Variants in BCAR1 observed in about 807,000 individuals in gnomAD.
The protein encoded by BCAR1 is BCAR1 scaffold protein, Cas family member, also known as breast cancer anti-estrogen resistance protein 1.
BCAR1 carries 30 observed loss-of-function variants against 67.6 expected under a neutral mutation model. That is an observed-to-expected ratio of 0.44 (90% CI 0.33 to 0.60). The LOEUF is 0.60. Ranked by LOEUF, BCAR1 falls within the 20% of genes least tolerant of loss-of-function variation. The pLI is 0.02. For missense variants in BCAR1, 1,313 were observed against 1,222.3 expected (o/e 1.07, Z -1.11); for synonymous variants, 626 against 556.7 (o/e 1.12, Z -1.75).
chr16:75,239,188 A>G, intron 2 of BCAR1: 1 of 884,758 alleles, frequency 1.1e-6, no homozygotes, highest in South Asian at 5.2e-5. Flanking sequence ...TGCTAATCAC[A>G]GGCCACCCTG....
intron 1 of BCAR1, chr16:75,263,678 T>C (rs1245199014): frequency 2.0e-6 from 2 of 985,254 alleles, no homozygotes; most frequent in Non-Finnish European, 2.4e-6. Context: ...ATCTTATAAT[T>C]TCTGTGGGCC....
chr16:75,248,443 G>A lies in BCAR1; in HGVS notation c.12+3028C>T, dbSNP rs1203156447. The A allele has an allele frequency of 2.7e-5, 25 of 929,110 alleles. No individual in the cohort carries two copies. The Admixed American group carries it at 3.0e-4, about 11-fold the overall frequency. The allele number at this position is 929,110 out of a possible 1,614,324, so 57.6% of individuals were successfully genotyped here. On this transcript the variant is annotated intron_variant, in intron 1 of 6. Transcript: ENST00000162330. ...ACGGATGCAGGCCCAATAAGCATGC[G>A]CCCAACTGGCCATCCGCACCCGGGA...
intron 6 of BCAR1, 110 bp downstream of exon 6, chr16:75,233,736 G>T: frequency 8.6e-7 from 1 of 1,160,570 alleles, no homozygotes; most frequent in Non-Finnish European, 1.2e-6. Flanking sequence ...TCTGAGCACT[G>T]TCAGACAACA....
upstream of BCAR1, chr16:75,252,210 A>C: frequency 3.3e-6 from 5 of 1,536,524 alleles, no homozygotes; most frequent in Non-Finnish European, 4.4e-6. Context: ...CTCTCGACCC[A>C]GCGCTTTTCA....
At chr16:75,231,263 T>G (rs1175071467) in intron 6 of BCAR1, among the ~76,000 whole-genome samples, 1 of 152,122 alleles carries the variant, frequency 6.6e-6, no homozygotes, top group Non-Finnish European at 1.5e-5. Flanking sequence ...TTTTGTATTT[T>G]TGGTAAAGAT....
intron 1 of BCAR1, chr16:75,264,672 C>T: frequency 8.0e-7 from 1 of 1,249,038 alleles, no homozygotes; most frequent in Non-Finnish European, 1.0e-6. Flanking sequence ...CAATGCTTTG[C>T]ACTTGGCCAG....
At chr16:75,248,189 G>C (rs1440093074) in intron 1 of BCAR1, 2 of 1,569,530 alleles carry the variant, frequency 1.3e-6, no homozygotes, top group African/African-American at 2.7e-5. Flanking sequence ...TCTCCACCGA[G>C]GGGTGACGCC....
chr16:75,239,030 T>G, intron 2 of BCAR1: 1 of 985,408 alleles, frequency 1.0e-6, no homozygotes, highest in Non-Finnish European at 1.2e-6. Flanking sequence ...GACCCAGGCC[T>G]GCCTCCCCAG....
upstream of BCAR1, chr16:75,252,315 G>A (rs1029083281): frequency 1.3e-5 from 20 of 1,536,254 alleles, 1 homozygote; most frequent in Admixed American, 1.4e-4. Context: ...TCATTCCTAG[G>A]TTCAGCCTAA....
At chr16:75,266,449 G>C (rs2058145912) in intron 1 of BCAR1, 1 of 305,328 alleles carries the variant, frequency 3.3e-6, no homozygotes, top group African/African-American at 2.2e-5. Flanking sequence ...GGAGGATCCT[G>C]TGTCCCTGTA....
chr16:75,251,565 G>A lies in BCAR1; in HGVS notation c.-83C>T, dbSNP rs2077680581. On this transcript the variant is annotated 5_prime_UTR_variant, in exon 1 of 7. Transcript: ENST00000162330. ...GCCGCGTGCCCTCGGGGCTCCGAGC[G>A]CGCCGCAGCCGCCCCGGTGCCGCCG... The A allele has an allele frequency of 3.6e-6, 4 of 1,117,342 alleles. No homozygotes were observed. The highest frequency in any genetic ancestry group is 4.4e-6 in the Non-Finnish European group (4 of 915,744). 69.2% of individuals were successfully genotyped at this position (1,117,342 alleles called of 1,614,324 possible).
At chr16:75,250,446 A>G (rs1217103063) in intron 1 of BCAR1, among the ~76,000 whole-genome samples, 2 of 152,132 alleles carry the variant, frequency 1.3e-5, no homozygotes, top group East Asian at 3.9e-4. Flanking sequence ...ACTAGCAAAG[A>G]AGAGATCAAC....
At chr16:75,238,907 C>T (rs1018892528) in intron 2 of BCAR1, 6 of 985,408 alleles carry the variant, frequency 6.1e-6, no homozygotes, top group Non-Finnish European at 7.2e-6. Flanking sequence ...GGTGGGGACC[C>T]AGCCTCAAGG....
chr16:75,257,889 C>CT (rs1181206979), intron 1 of BCAR1, among the ~76,000 whole-genome samples: 3 of 152,242 alleles, frequency 2.0e-5, no homozygotes, highest in Non-Finnish European at 4.4e-5. Flanking sequence ...CTCGCCCAGG[C>CT]TTAGACTAGA....
chr16:75,233,256 C>A (rs1469787673), intron 6 of BCAR1, among the ~76,000 whole-genome samples: 2 of 151,862 alleles, frequency 1.3e-5, no homozygotes, highest in East Asian at 3.9e-4. Context: ...GCCTGTAATC[C>A]CAACTACTGG....
intron 2 of BCAR1, among the ~76,000 whole-genome samples, chr16:75,239,428 C>T (rs1314698291): frequency 1.3e-5 from 2 of 152,136 alleles, no homozygotes; most frequent in Non-Finnish European, 2.9e-5. Context: ...CTCTCCTCCC[C>T]TACTATCAGG....
At chr16:75,252,993 C>A (rs1002065994), upstream of BCAR1, among the ~76,000 whole-genome samples, 4 of 152,234 alleles carry the variant, frequency 2.6e-5, no homozygotes, top group Non-Finnish European at 5.9e-5. Flanking sequence ...GCTTGGGAAG[C>A]ATTGGCCAGA....
In BCAR1 at chr16:75,233,826, G is replaced by C. The variant is rs1261355977; in HGVS notation, c.2100+20C>G. 1 of 1,584,918 alleles carries C rather than the reference G, an allele frequency of 6.3e-7. No homozygotes were observed. Among genetic ancestry groups the C allele is most frequent in the Non-Finnish European group, 8.6e-7 (1 of 1,165,684 alleles). On this transcript the variant is annotated intron_variant, in intron 6 of 6. Transcript: ENST00000162330. ...GGGTCAGCGGGCAAAGCTGGGCCTT[G>C]CTCTGCTCCGGGGCCTCACCTGCTG... is the stretch of plus-strand genomic sequence containing the variant.
Position 75,242,905 on chromosome 16 carries a change from C to T in BCAR1, c.198G>A (p.Met66Ile), listed in dbSNP as rs370236322. 29 of 1,612,196 alleles carry T rather than the reference C, an allele frequency of 1.8e-5. No homozygotes were observed. The highest frequency in any genetic ancestry group is 1.7e-4 in the Middle Eastern group (1 of 6,032). ...CAGGCCCTGCTGGCTTCTTATCATA[C>T]ATGCCCACCAAGATCTTGAGGCGGT... is the stretch of plus-strand genomic sequence containing the variant. ...PGNRLKILVG[M>I]YDKKPAGPGP... is the part of the protein sequence containing the mutation. The change falls in exon 2 of 7, where the codon ATG (methionine) becomes ATA (isoleucine). Residue 66 changes from methionine to isoleucine, a missense_variant. Coordinates refer to ENST00000162330, the MANE Select transcript of BCAR1 (RefSeq NM_014567.5).
Sources: allele counts gnomAD v4.1 joint callset (sites outside exome capture counted in the v4.1 genomes callset), GRCh38; gene constraint gnomAD v4.1.1; transcripts MANE v1.5; gene names NCBI Gene and HGNC (gene_info 2026-07-23, HGNC 2026-07-21).